Variants in WDR18 observed in about 807,000 individuals in gnomAD.
The protein encoded by WDR18 is WD repeat domain 18.
A neutral mutation model predicts 49.6 loss-of-function variants in WDR18; 33 were observed. That is an observed-to-expected ratio of 0.67 (90% CI 0.50 to 0.89). The LOEUF (loss-of-function observed/expected upper bound fraction) is 0.89. Among genes scored for constraint, WDR18 ranks in the 40% least tolerant of loss-of-function variants. The probability of loss-of-function intolerance (pLI) is 0.00; values close to 1 mark genes in which losing one functional copy is unlikely to be tolerated. For missense variants in WDR18, 653 were observed against 593.6 expected (o/e 1.10, Z -1.04); for synonymous variants, 315 against 263.6 (o/e 1.19, Z -1.89).
chr19:986,978 T>G (rs1166813756), intron 2 of WDR18, among the ~76,000 whole-genome samples: 2 of 152,190 alleles, frequency 1.3e-5, no homozygotes, highest in African/African-American at 4.8e-5. Flanking sequence ...GACCTTGTCC[T>G]TGCTTCCCTC....
At chr19:986,452 T>C (rs146058713) in intron 2 of WDR18, among the ~76,000 whole-genome samples, 20 of 152,244 alleles carry the variant, frequency 1.3e-4, no homozygotes, top group African/African-American at 4.6e-4. Context: ...TTGTATTTAG[T>C]AGAGAAGGGC....
At position 994,512 on chromosome 19, in the gene WDR18, G is replaced by A. The variant is rs185198340; in HGVS notation, c.*168G>A. The A allele has an allele frequency of 3.2e-5, 30 of 938,474 alleles. No homozygotes were observed. The highest frequency in any genetic ancestry group is 2.4e-4 in the East Asian group (9 of 37,342). The allele number at this position is 938,474 out of a possible 1,614,324, so 58.1% of individuals were successfully genotyped here. A position where few individuals can be genotyped will look rare whatever the true frequency, so the allele number is the denominator to read the frequency against. On this transcript the variant is annotated 3_prime_UTR_variant, in exon 10 of 10. Coordinates refer to ENST00000585809, the MANE Select transcript of WDR18 (RefSeq NM_024100.4). Reference sequence around the variant, plus strand: ...GCCGTCTTGGTGTCTCGTGGCACGCGTCACAGTGGTGCTAGTCTGTTTTTA... The same window carrying A: ...GCCGTCTTGGTGTCTCGTGGCACGCATCACAGTGGTGCTAGTCTGTTTTTA...
At chr19:984,284 T>C (rs560150641), upstream of WDR18, 44 of 1,391,000 alleles carry the variant, frequency 3.2e-5, no homozygotes, top group African/African-American at 6.1e-4. Context: ...GCCGCCGCTC[T>C]GGCCCGCGTG....
At chr19:993,001 G>T (rs186641708) in intron 8 of WDR18, among the ~76,000 whole-genome samples, 14 of 152,356 alleles carry the variant, frequency 9.2e-5, no homozygotes, top group African/African-American at 3.4e-4. Flanking sequence ...TATCTCCCTT[G>T]TCCGTGCTTC....
intron 2 of WDR18, among the ~76,000 whole-genome samples, chr19:989,089 A>ACC (rs35433511): frequency 1.4e-3 from 55 of 39,974 alleles, no homozygotes; most frequent in East Asian, 3.3e-3. Context: ...CGAACCCACA[A>ACC]CCCCCCAGAG....
intron 9 of WDR18, 47 bp downstream of exon 9, chr19:994,135 C>G (rs976092249): frequency 6.5e-7 from 1 of 1,548,070 alleles, no homozygotes; most frequent in African/African-American, 1.4e-5. Context: ...GGGGTCAGTC[C>G]TGGCCAGTGG....
chr19:990,184 C>G, intron 3 of WDR18, 39 bp from the exon 4 acceptor site: 1 of 1,566,758 alleles, frequency 6.4e-7, no homozygotes, highest in African/African-American at 1.3e-5. Flanking sequence ...CTGTTCCCTC[C>G]GCTCCCCGCC....
intron 2 of WDR18, among the ~76,000 whole-genome samples, chr19:987,836 T>TTTTTTTTTTTTTTTTTG (rs2038491986): frequency 2.7e-5 from 1 of 37,270 alleles, no homozygotes. Context: ...CCAGTTTTTT[T>TTTTTTTTTTTTTTTTTG]TTTTTTTTTT....
intron 4 of WDR18, 183 bp downstream of exon 4, chr19:990,547 C>T (rs1177902187): frequency 5.0e-6 from 5 of 995,136 alleles, no homozygotes; most frequent in South Asian, 1.9e-5. Flanking sequence ...AATTCCTACT[C>T]ATTCACCGTT....
Position 990,891 on chromosome 19 carries a change from C to T in WDR18, c.637C>T (p.Leu213Phe), listed in dbSNP as rs35068100. 3,872 of 1,612,472 alleles carry T rather than the reference C, an allele frequency of 2.4e-3. 79 individuals are homozygous for T. In the African/African-American group the frequency reaches 0.045, roughly 19 times the overall value. ...CTCGGGGGAGCTGCTGCTCTCCGTC[C>T]TCTTTGACGTGTCCATCATGGCAGT... Reference protein sequence around the residue: ...VSSGELLLSVLFDVSIMAVTM... With the variant: ...VSSGELLLSVFFDVSIMAVTM... Residue 213 changes from leucine to phenylalanine, a missense_variant, in exon 5 of 10, where the codon CTC becomes TTC. Coordinates refer to ENST00000585809, the MANE Select transcript of WDR18 (RefSeq NM_024100.4).
At chr19:991,768 T>A (rs2038556222) in intron 7 of WDR18, among the ~76,000 whole-genome samples, 187 bp from the exon 8 acceptor site, 1 of 82,750 alleles carries the variant, frequency 1.2e-5, no homozygotes, top group Non-Finnish European at 2.3e-5. Flanking sequence ...GAACTGGCTT[T>A]GCTGTGGGGT....
intron 2 of WDR18, among the ~76,000 whole-genome samples, chr19:988,792 G>A (rs1053465458): frequency 2.0e-5 from 3 of 152,206 alleles, no homozygotes; most frequent in South Asian, 4.1e-4. Flanking sequence ...CCACTGCCGC[G>A]TGGAGCCCCT....
chr19:994,249 G>A lies in WDR18; in HGVS notation c.1204G>A (p.Val402Met), dbSNP rs200235925. The A allele has an allele frequency of 1.1e-3, 1,752 of 1,608,320 alleles. 18 individuals carry two copies. In the South Asian group the frequency reaches 0.013, roughly 12 times the overall value. The change falls in exon 10 of 10, where the codon GTG becomes ATG. Residue 402 changes from valine to methionine, a missense_variant. Physicochemically the swap from Val to Met is conservative, Grantham distance 21. Coordinates refer to ENST00000585809, the MANE Select transcript of WDR18 (RefSeq NM_024100.4). ...LGGQDQLRVR[V>M]TELEDEVRNL... ...CGGCCAGGACCAGCTGCGCGTCCGT[G>A]TGACGGAGCTGGAGGACGAGGTGCG...
At chr19:986,500 C>T (rs2038476564) in intron 2 of WDR18, among the ~76,000 whole-genome samples, 1 of 152,160 alleles carries the variant, frequency 6.6e-6, no homozygotes, top group Admixed American at 6.5e-5. Context: ...AACTCCTGAC[C>T]TCAGGTGATC....
rs1484761171 is a variant in WDR18, at chr19:991,261, G to C, written c.841G>C (p.Gly281Arg). 2 of 1,573,510 alleles carry C rather than the reference G, an allele frequency of 1.3e-6. No homozygotes were observed. The highest frequency in any genetic ancestry group is 2.3e-5 in the East Asian group (1 of 42,698). The change falls in exon 7 of 10, where the codon GGC (glycine) becomes CGC (arginine). Residue 281 changes from glycine to arginine, a missense_variant. Transcript: ENST00000585809. ...QVTCLSVSTD[G>R]SVLLSGSHDE... Reference sequence around the variant, plus strand: ...GACTTGCCTGTCAGTGTCCACTGACGGCAGCGTGCTGCTCTCAGGCTCCCA... The same window carrying C: ...GACTTGCCTGTCAGTGTCCACTGACCGCAGCGTGCTGCTCTCAGGCTCCCA...
chr19:987,306 G>A (rs1374829159), intron 2 of WDR18, among the ~76,000 whole-genome samples: 1 of 152,190 alleles, frequency 6.6e-6, no homozygotes, highest in African/African-American at 2.4e-5. Context: ...TTGTACCACT[G>A]CACTCCAGCC....
Position 992,126 on chromosome 19 carries a change from G to A in WDR18, c.1098+5G>A. On this transcript the variant is annotated splice_donor_5th_base_variant and intron_variant, in intron 8 of 9. Transcript: ENST00000585809. ...CGCCTGGGCCTCCACCAGCAGGTAC[G>A]GCCCCCAGCAGGGAACCCCCACTGC... 9 of 1,461,534 alleles carry A rather than the reference G, an allele frequency of 6.2e-6. No homozygotes were observed. The highest frequency in any genetic ancestry group is 2.3e-5 in the Admixed American group (1 of 42,580). The allele number at this position is 1,461,534 out of a possible 1,614,324, so 90.5% of individuals were successfully genotyped here. A position where few individuals can be genotyped will look rare whatever the true frequency, so the allele number is the denominator to read the frequency against.
At chr19:993,956 A>C (rs964706964) in intron 8 of WDR18, 64 bp from the exon 9 acceptor site, 1 of 1,528,872 alleles carries the variant, frequency 6.5e-7, no homozygotes, top group African/African-American at 1.4e-5. Context: ...CGGGGGTGGG[A>C]TGGGCAAAGC....
chr19:990,412 C>A, intron 4 of WDR18, 48 bp downstream of exon 4: 1 of 1,473,038 alleles, frequency 6.8e-7, no homozygotes, highest in Admixed American at 2.6e-5. Context: ...GCCCAGCAGC[C>A]GCAGGTCCTC....
Sources: gnomAD v4.1 joint callset for allele counts (sites outside exome capture counted in the v4.1 genomes callset) on GRCh38, gnomAD v4.1.1 for gene constraint, MANE v1.5 for transcripts, NCBI Gene and HGNC (gene_info 2026-07-23, HGNC 2026-07-21) for gene names.